PTPRD: variants seen among roughly 807,000 people sequenced by gnomAD.
PTPRD encodes the protein protein tyrosine phosphatase receptor type D.
A neutral mutation model predicts 214.5 loss-of-function variants in PTPRD; 34 were observed. That is an observed-to-expected ratio of 0.16 (90% CI 0.12 to 0.21). The LOEUF (loss-of-function observed/expected upper bound fraction) is 0.21. Ranked by LOEUF, PTPRD falls within the 10% of genes least tolerant of loss-of-function variation. The pLI, the probability that PTPRD is intolerant of heterozygous loss-of-function variation, is 1.00. For synonymous variants in PTPRD, 1,128 were observed against 845.7 expected (o/e 1.33, Z -5.79); for missense variants, 2,545 against 2,398.7 (o/e 1.06, Z -1.27).
chr9:9,930,073 G>A (rs1249658635), intron 5 of PTPRD, among the ~76,000 whole-genome samples: 1 of 152,222 alleles, frequency 6.6e-6, no homozygotes, highest in Non-Finnish European at 1.5e-5. Flanking sequence ...ATGAGATAAA[G>A]CAGAGCTATA....
At chr9:9,519,369 A>G (rs907918564) in intron 8 of PTPRD, among the ~76,000 whole-genome samples, 5 of 151,934 alleles carry the variant, frequency 3.3e-5, no homozygotes, top group Non-Finnish European at 7.4e-5. Flanking sequence ...ATGAAACAAA[A>G]AAAACCAGAG....
intron 8 of PTPRD, among the ~76,000 whole-genome samples, chr9:9,572,703 C>A (rs2086905633): frequency 2.0e-5 from 3 of 147,128 alleles, no homozygotes; most frequent in Admixed American, 1.4e-4. Flanking sequence ...ATAAACATAA[C>A]CTAATAATAA....
intron 2 of PTPRD, among the ~76,000 whole-genome samples, chr9:10,382,861 A>C (rs2097849294): frequency 6.6e-6 from 1 of 151,884 alleles, no homozygotes; most frequent in Admixed American, 6.6e-5. Flanking sequence ...TTTTTTATAT[A>C]AAAGCTTCTG....
intron 12 of PTPRD, among the ~76,000 whole-genome samples, chr9:8,708,864 G>C (rs72700388): frequency 0.07 from 10,649 of 152,098 alleles, 498 homozygotes; most frequent in Middle Eastern, 0.15. Flanking sequence ...CAATGGATGA[G>C]TGAATAAAGA....
At chr9:9,383,547 G>A (rs887512183) in intron 9 of PTPRD, among the ~76,000 whole-genome samples, 1 of 152,088 alleles carries the variant, frequency 6.6e-6, no homozygotes, top group Non-Finnish European at 1.5e-5. Flanking sequence ...GTTTGGAAAT[G>A]TCTTAATGCT....
intron 5 of PTPRD, among the ~76,000 whole-genome samples, chr9:9,802,340 A>C (rs1215756633): frequency 6.6e-6 from 1 of 151,970 alleles, no homozygotes; most frequent in African/African-American, 2.4e-5. Context: ...GTATAAACTA[A>C]GATGTCCTTA....
At chr9:9,691,296 T>C (rs2097265752) in intron 7 of PTPRD, among the ~76,000 whole-genome samples, 1 of 152,030 alleles carries the variant, frequency 6.6e-6, no homozygotes, top group Admixed American at 6.6e-5. Flanking sequence ...CCACTACCCT[T>C]CCTAGCCTTT....
rs190881036 is a variant in PTPRD at position 9,840,753 on chromosome 9, C to A, written c.-367-73902G>T. On this transcript the variant is annotated intron_variant, in intron 5 of 45. Coordinates refer to ENST00000381196, the MANE Select transcript of PTPRD (RefSeq NM_002839.4). The stretch of plus-strand genomic sequence containing the variant: ...ACTCCAGCCTGGCGACAGAGCAAGA[C>A]TCCGTTTCAAAAAAAAAAAAAAAAA... 8.0e-3 allele frequency among the ~76,000 whole-genome samples: 712 copies of A among 89,090 alleles called. 8 individuals carry two copies. Among genetic ancestry groups the A allele is most frequent in the African/African-American group, 0.034 (675 of 19,970 alleles). The allele number at this position is 89,090 out of a possible 152,430, so 58.4% of individuals were successfully genotyped here. A position where few individuals can be genotyped will look rare whatever the true frequency, so the allele number is the denominator to read the frequency against.
At chr9:9,998,115 T>TAAAA (rs1158744931) in intron 4 of PTPRD, among the ~76,000 whole-genome samples, 14 of 105,790 alleles carry the variant, frequency 1.3e-4, no homozygotes, top group South Asian at 2.9e-4. Flanking sequence ...TAAAGTATAA[T>TAAAA]AAAAAAAAAA....
At chr9:10,531,072 TC>T (rs2056124124) in intron 2 of PTPRD, among the ~76,000 whole-genome samples, 1 of 151,954 alleles carries the variant, frequency 6.6e-6, no homozygotes, top group South Asian at 2.1e-4. Context: ...GCGTAAGCCT[TC>T]CGAGTGGCTG....
chr9:10,123,456 C>T (rs188655366), intron 3 of PTPRD, among the ~76,000 whole-genome samples: 8 of 152,250 alleles, frequency 5.3e-5, no homozygotes, highest in Admixed American at 2.0e-4. Flanking sequence ...CCTTTTGATA[C>T]AGGAAAACCA....
intron 8 of PTPRD, among the ~76,000 whole-genome samples, chr9:9,474,886 C>G (rs1024158620): frequency 1.3e-5 from 2 of 152,048 alleles, no homozygotes; most frequent in Non-Finnish European, 2.9e-5. Context: ...CAAAGAGAGG[C>G]AATTGGATTC....
At chr9:9,956,095 C>T (rs1171916613) in intron 4 of PTPRD, among the ~76,000 whole-genome samples, 1 of 152,056 alleles carries the variant, frequency 6.6e-6, no homozygotes, top group East Asian at 1.9e-4. Flanking sequence ...ATAGATTTTG[C>T]TCATATTTTA....
At chr9:9,570,991 G>C (rs1401864410) in intron 8 of PTPRD, among the ~76,000 whole-genome samples, 1 of 151,312 alleles carries the variant, frequency 6.6e-6, no homozygotes, top group African/African-American at 2.4e-5. Flanking sequence ...TATCTACTTT[G>C]CTGTTCTACT....
rs183957438 is a variant in PTPRD at position 9,075,872 on chromosome 9, C to T, written c.-142-57137G>A. The stretch of plus-strand genomic sequence containing the variant: ...TGTGAATAGTGCCGCAATAAACATA[C>T]GTGTGCATGTGTCTTTATAGCAGCA... On this transcript the variant is annotated intron_variant, in intron 10 of 45. Coordinates refer to ENST00000381196, the MANE Select transcript of PTPRD (RefSeq NM_002839.4). Among the ~76,000 whole-genome samples, 1,228 of 152,244 alleles carry T rather than the reference C, an allele frequency of 8.1e-3. 5 individuals carry two copies. The highest frequency in any genetic ancestry group is 0.01 in the Non-Finnish European group (713 of 68,014).
intron 8 of PTPRD, among the ~76,000 whole-genome samples, chr9:9,451,130 T>C (rs2092059134): frequency 6.6e-6 from 1 of 151,750 alleles, no homozygotes; most frequent in South Asian, 2.1e-4. Flanking sequence ...CCTCTCTAAA[T>C]GAAATCTTGA....
At chr9:9,551,206 T>C (rs190849048) in intron 8 of PTPRD, among the ~76,000 whole-genome samples, 5 of 152,108 alleles carry the variant, frequency 3.3e-5, no homozygotes, top group South Asian at 2.1e-4. Flanking sequence ...ATAATCAACC[T>C]GGCGCTAAAT....
chr9:9,005,972 C>T (rs2099462780), intron 11 of PTPRD, among the ~76,000 whole-genome samples: 2 of 151,872 alleles, frequency 1.3e-5, no homozygotes, highest in South Asian at 4.2e-4. Context: ...TACCAGAGAG[C>T]TTCTGGGGCT....
rs561226633 is a variant in PTPRD at position 9,389,939 on chromosome 9, C to A, written c.-203+7510G>T. On this transcript the variant is annotated intron_variant, in intron 9 of 45. Transcript: ENST00000381196. ...GACAAATAAATAGATTTATCAAAGG[C>A]AAGGTAGGTAAGTGCTCTGGAGGCA... 3.5e-4 allele frequency among the ~76,000 whole-genome samples: 54 copies of A among 152,196 alleles called. 1 individual carries two copies. In the South Asian group the frequency reaches 0.011, roughly 30 times the overall value.
Sources: gnomAD v4.1 joint callset for allele counts (sites outside exome capture counted in the v4.1 genomes callset) on GRCh38, gnomAD v4.1.1 for gene constraint, MANE v1.5 for transcripts, NCBI Gene and HGNC (gene_info 2026-07-23, HGNC 2026-07-21) for gene names.